PRR16: variants seen among roughly 807,000 people sequenced by gnomAD.
The protein encoded by PRR16 is proline rich 16, also known as protein Largen.
Under a neutral mutation model 18.2 loss-of-function variants are expected in PRR16, and 6 were observed. The observed-to-expected ratio is 0.33, with a 90% CI of 0.18 to 0.65. The LOEUF (loss-of-function observed/expected upper bound fraction) is 0.65, where lower values mean the gene tolerates loss of function less well. Among genes scored for constraint, PRR16 ranks in the 30% least tolerant of loss-of-function variants. The pLI is 0.74. For missense variants in PRR16, 412 were observed against 376.6 expected (o/e 1.09, Z -0.78); for synonymous variants, 151 against 147.8 (o/e 1.02, Z -0.16).
intron 1 of PRR16, among the ~76,000 whole-genome samples, chr5:120,501,095 A>G (rs1367460931): frequency 6.6e-6 from 1 of 152,166 alleles, no homozygotes. Context: ...TCAGAAGCAT[A>G]AAGTTTTTTA....
intron 1 of PRR16, among the ~76,000 whole-genome samples, chr5:120,630,587 TC>T (rs1429887651): frequency 2.0e-5 from 3 of 147,152 alleles, no homozygotes; most frequent in Non-Finnish European, 4.5e-5. Flanking sequence ...CTTTTTTTTT[TC>T]ATGCACCCAG....
At chr5:120,612,966 T>C (rs1023000824) in intron 1 of PRR16, among the ~76,000 whole-genome samples, 1 of 152,162 alleles carries the variant, frequency 6.6e-6, no homozygotes, top group Non-Finnish European at 1.5e-5. Context: ...GCTAATGTGA[T>C]GGATTAATAA....
chr5:120,643,882 G>A (rs952815287), intron 1 of PRR16, among the ~76,000 whole-genome samples: 2 of 152,066 alleles, frequency 1.3e-5, no homozygotes, highest in Non-Finnish European at 2.9e-5. Flanking sequence ...GTGGGTGTCT[G>A]TAGTCCCAGC....
chr5:120,736,752 T>G, the PRR16 span, among the ~76,000 whole-genome samples: 11 of 152,092 alleles, frequency 7.2e-5, no homozygotes, highest in African/African-American at 1.4e-4. Context: ...TATGTGTGTC[T>G]TCTTTAATTT....
chr5:120,573,120 G>A (rs1421987326), intron 1 of PRR16, among the ~76,000 whole-genome samples: 1 of 152,110 alleles, frequency 6.6e-6, no homozygotes, highest in African/African-American at 2.4e-5. Flanking sequence ...GGCAAATGTA[G>A]GGCCATGGGC....
At chr5:120,711,847 A>G in the PRR16 span, among the ~76,000 whole-genome samples, 2 of 152,156 alleles carry the variant, frequency 1.3e-5, no homozygotes, top group African/African-American at 4.8e-5. Flanking sequence ...ACAGGGAGGG[A>G]TACGGGATTT....
chr5:120,522,891 C>T (rs112126524), intron 1 of PRR16, among the ~76,000 whole-genome samples: 7 of 152,286 alleles, frequency 4.6e-5, no homozygotes, highest in South Asian at 2.1e-4. Flanking sequence ...GCTGGGATTA[C>T]GGGCATGAGC....
chr5:120,622,804 C>T (rs1010918500), intron 1 of PRR16, among the ~76,000 whole-genome samples: 15 of 152,062 alleles, frequency 9.9e-5, no homozygotes, highest in African/African-American at 3.6e-4. Context: ...ATTTTAGCTA[C>T]TTCTTGCACT....
chr5:120,699,121 C>T, the PRR16 span, among the ~76,000 whole-genome samples: 1 of 151,912 alleles, frequency 6.6e-6, no homozygotes, highest in South Asian at 2.1e-4. Context: ...TGGGTGGGGG[C>T]AAATCCTCGA....
At chr5:120,529,306 A>C (rs1259093594) in intron 1 of PRR16, among the ~76,000 whole-genome samples, 1 of 152,172 alleles carries the variant, frequency 6.6e-6, no homozygotes. Flanking sequence ...AGATACATAA[A>C]ATTGATGCGG....
At chr5:120,473,670 A>G (rs1204312652) in intron 1 of PRR16, among the ~76,000 whole-genome samples, 8 of 152,218 alleles carry the variant, frequency 5.3e-5, no homozygotes, top group African/African-American at 1.9e-4. Context: ...TTTAACACCT[A>G]CTGTACACCA....
At chr5:120,620,708 A>G (rs1452114614) in intron 1 of PRR16, among the ~76,000 whole-genome samples, 1 of 152,002 alleles carries the variant, frequency 6.6e-6, no homozygotes, top group East Asian at 1.9e-4. Flanking sequence ...GCTAAATGTT[A>G]CAGGGTCCCA....
intron 1 of PRR16, among the ~76,000 whole-genome samples, chr5:120,530,491 G>A (rs954490569): frequency 2.7e-5 from 4 of 150,606 alleles, no homozygotes; most frequent in Non-Finnish European, 4.4e-5. Flanking sequence ...TGTACTTTTT[G>A]TAGTCCCCCA....
At chr5:120,503,651 T>TA (rs1258994807) in intron 1 of PRR16, among the ~76,000 whole-genome samples, 2 of 152,116 alleles carry the variant, frequency 1.3e-5, no homozygotes, top group African/African-American at 4.8e-5. Context: ...ATTTTTTTTT[T>TA]ATTATACTTT....
At chr5:120,794,163 CAA>C in the PRR16 span, among the ~76,000 whole-genome samples, 1 of 152,034 alleles carries the variant, frequency 6.6e-6, no homozygotes, top group Non-Finnish European at 1.5e-5. Flanking sequence ...ACTGCCAAAA[CAA>C]AGAGATGCAG....
At chr5:120,647,538 A>T (rs575703195) in intron 1 of PRR16, among the ~76,000 whole-genome samples, 15 of 152,042 alleles carry the variant, frequency 9.9e-5, no homozygotes, top group Non-Finnish European at 1.8e-4. Flanking sequence ...CTCTGTATAG[A>T]CTGTATTTGA....
chr5:120,602,466 A>G (rs934059159), intron 1 of PRR16, among the ~76,000 whole-genome samples: 1 of 151,832 alleles, frequency 6.6e-6, no homozygotes, highest in Non-Finnish European at 1.5e-5. Flanking sequence ...GCCTTTTGGC[A>G]GAGTCTTTAG....
At chr5:120,537,585 T>C (rs1751761321) in intron 1 of PRR16, among the ~76,000 whole-genome samples, 1 of 119,012 alleles carries the variant, frequency 8.4e-6, no homozygotes, top group Non-Finnish European at 1.7e-5. Flanking sequence ...CACCAATTGC[T>C]ATTAAGCTAA....
At chr5:120,593,076 G>T in intron 1 of PRR16, among the ~76,000 whole-genome samples, 1 of 151,738 alleles carries the variant, frequency 6.6e-6, no homozygotes, top group Non-Finnish European at 1.5e-5. Context: ...AGATCTCAAG[G>T]TAACAACTTA....
Sources: allele counts gnomAD v4.1 joint callset (sites outside exome capture counted in the v4.1 genomes callset), GRCh38; gene constraint gnomAD v4.1.1; transcripts MANE v1.5; gene names NCBI Gene and HGNC (gene_info 2026-07-23, HGNC 2026-07-21).